Variants in CLSTN2 observed in about 807,000 individuals in gnomAD.
The protein encoded by CLSTN2 is calsyntenin 2, also known as calsyntenin-2.
CLSTN2 carries 48 observed loss-of-function variants against 101.2 expected under a neutral mutation model. The ratio of observed to expected loss-of-function variants is 0.47; its 90% CI spans 0.38 to 0.60. The LOEUF is 0.60. Among genes scored for constraint, CLSTN2 ranks in the 20% least tolerant of loss-of-function variants. CLSTN2 has a pLI of 0.00. For synonymous variants in CLSTN2, 481 were observed against 463.6 expected, an observed-to-expected ratio of 1.04 and a Z score of -0.48; for missense variants, 1,160 against 1,238.2, an observed-to-expected ratio of 0.94 and a Z score of 0.95.
chr3:140,498,797 T>C (rs992721789), intron 8 of CLSTN2, among the ~76,000 whole-genome samples: 3 of 152,152 alleles, frequency 2.0e-5, no homozygotes, highest in Non-Finnish European at 2.9e-5. Flanking sequence ...TTTACCACAC[T>C]TGAATGGAAT....
At chr3:140,164,271 A>T (rs1354576443) in intron 1 of CLSTN2, among the ~76,000 whole-genome samples, 1 of 151,952 alleles carries the variant, frequency 6.6e-6, no homozygotes, top group Non-Finnish European at 1.5e-5. Context: ...TTGGGAGTTA[A>T]GCTTAGGGTT....
At chr3:140,184,468 A>T (rs1054543963) in intron 2 of CLSTN2, among the ~76,000 whole-genome samples, 1 of 152,138 alleles carries the variant, frequency 6.6e-6, no homozygotes, top group Non-Finnish European at 1.5e-5. Flanking sequence ...ATGAGAACTC[A>T]CTATCATGAG....
At chr3:140,059,547 G>A (rs2008159784) in intron 1 of CLSTN2, among the ~76,000 whole-genome samples, 1 of 152,250 alleles carries the variant, frequency 6.6e-6, no homozygotes, top group Admixed American at 6.5e-5. Flanking sequence ...TTCCCCTCAA[G>A]CCTTCCTGTC....
intron 1 of CLSTN2, among the ~76,000 whole-genome samples, chr3:140,055,881 G>A (rs1042675191): frequency 2.0e-5 from 3 of 152,118 alleles, no homozygotes; most frequent in Non-Finnish European, 4.4e-5. Context: ...AGCCTGAGTG[G>A]GAATATAAGA....
At chr3:140,013,342 C>G (rs2007127860) in intron 1 of CLSTN2, among the ~76,000 whole-genome samples, 1 of 152,338 alleles carries the variant, frequency 6.6e-6, no homozygotes, top group Non-Finnish European at 1.5e-5. Context: ...GGCTGTGCTG[C>G]CCTGTCCCAG....
At chr3:140,496,641 A>G (rs1934472497) in intron 8 of CLSTN2, among the ~76,000 whole-genome samples, 1 of 152,136 alleles carries the variant, frequency 6.6e-6, no homozygotes, top group Admixed American at 6.6e-5. Flanking sequence ...TGTTCCTTCA[A>G]TATCTAGTTT....
At chr3:140,518,715 C>G (rs117053263) in intron 8 of CLSTN2, among the ~76,000 whole-genome samples, 1 of 152,184 alleles carries the variant, frequency 6.6e-6, no homozygotes, top group South Asian at 2.1e-4. Flanking sequence ...TGTGGATTCT[C>G]TCGGCTTTCC....
chr3:139,991,376 A>G (rs992012667), intron 1 of CLSTN2, among the ~76,000 whole-genome samples: 2 of 152,242 alleles, frequency 1.3e-5, no homozygotes, highest in African/African-American at 4.8e-5. Context: ...ATAAAACTAT[A>G]AGACAGTTAT....
chr3:140,263,310 T>A (rs945130708), intron 2 of CLSTN2, among the ~76,000 whole-genome samples: 12 of 151,804 alleles, frequency 7.9e-5, no homozygotes, highest in Admixed American at 2.0e-4. Flanking sequence ...TTAGTGAGGG[T>A]GATAAGAGAT....
At chr3:140,341,100 C>G (rs556714076) in intron 2 of CLSTN2, among the ~76,000 whole-genome samples, 1 of 152,306 alleles carries the variant, frequency 6.6e-6, no homozygotes, top group South Asian at 2.1e-4. Flanking sequence ...CTCCCTGACC[C>G]TTTTCTTCCA....
chr3:140,478,872 G>GAGGGAGGA (rs1553747325), intron 8 of CLSTN2, among the ~76,000 whole-genome samples: 2 of 141,518 alleles, frequency 1.4e-5, no homozygotes, highest in Admixed American at 7.2e-5. Flanking sequence ...AAGGGGGAAG[G>GAGGGAGGA]AGGAAGGAAG....
At chr3:140,209,180 G>T (rs2010823478) in intron 2 of CLSTN2, among the ~76,000 whole-genome samples, 1 of 152,218 alleles carries the variant, frequency 6.6e-6, no homozygotes, top group African/African-American at 2.4e-5. Flanking sequence ...CATTATGATT[G>T]TCAGCAGGAG....
intron 2 of CLSTN2, among the ~76,000 whole-genome samples, chr3:140,334,488 G>C (rs2107931593): frequency 6.6e-6 from 1 of 152,352 alleles, no homozygotes; most frequent in South Asian, 2.1e-4. Flanking sequence ...CACAATATTT[G>C]CTAAAGAACT....
chr3:140,523,918 A>C (rs1935085697), intron 8 of CLSTN2, among the ~76,000 whole-genome samples: 2 of 152,174 alleles, frequency 1.3e-5, no homozygotes, highest in African/African-American at 4.8e-5. Flanking sequence ...TCCCCTGTTC[A>C]AATCCTTTCT....
intron 2 of CLSTN2, among the ~76,000 whole-genome samples, chr3:140,348,532 G>A (rs1366860699): frequency 1.3e-5 from 2 of 152,106 alleles, no homozygotes; most frequent in Non-Finnish European, 2.9e-5. Flanking sequence ...AAGGGTATCT[G>A]CTATTAGTCA....
intron 8 of CLSTN2, among the ~76,000 whole-genome samples, chr3:140,484,328 G>T: frequency 6.6e-6 from 1 of 152,202 alleles, no homozygotes; most frequent in Non-Finnish European, 1.5e-5. Context: ...TCTGCCAAGA[G>T]ATCAGCTGTT....
intron 2 of CLSTN2, among the ~76,000 whole-genome samples, chr3:140,342,212 T>A (rs2107936745): frequency 6.6e-6 from 1 of 152,226 alleles, no homozygotes; most frequent in Non-Finnish European, 1.5e-5. Flanking sequence ...AATTATTTGT[T>A]ATCCAGGGAC....
chr3:140,218,716 A>T (rs1043370500), intron 2 of CLSTN2, among the ~76,000 whole-genome samples: 2 of 152,230 alleles, frequency 1.3e-5, no homozygotes, highest in African/African-American at 4.8e-5. Flanking sequence ...TTCAAGATAG[A>T]TGGCAGCTTT....
At position 139,981,202 on chromosome 3, in the gene CLSTN2, T is replaced by A. The variant is rs574979221; in HGVS notation, c.109+45719T>A. On this transcript the variant is annotated intron_variant, in intron 1 of 16. Coordinates refer to ENST00000458420, the MANE Select transcript of CLSTN2 (RefSeq NM_022131.3). ...CTGACTTTTTGAGAAGATTTAGCTGTGTGCATGGGGAATAGTGCAGCCACC... is the reference window on the plus strand; with the variant it reads ...CTGACTTTTTGAGAAGATTTAGCTGAGTGCATGGGGAATAGTGCAGCCACC... Among the ~76,000 whole-genome samples the A allele has an allele frequency of 5.9e-5, 9 of 152,324 alleles. No individual in the cohort carries two copies. The South Asian group carries it at 1.9e-3, about 32-fold the overall frequency.
Sources: allele counts gnomAD v4.1 joint callset (sites outside exome capture counted in the v4.1 genomes callset), GRCh38; gene constraint gnomAD v4.1.1; transcripts MANE v1.5; gene names NCBI Gene and HGNC (gene_info 2026-07-23, HGNC 2026-07-21).